The following PDE3B variants were observed in gnomAD, a reference collection of about 807,000 sequenced individuals.
PDE3B encodes the protein cGMP-inhibited 3',5'-cyclic phosphodiesterase 3B.
A neutral mutation model predicts 116.8 loss-of-function variants in PDE3B; 66 were observed. The ratio of observed to expected loss-of-function variants is 0.56; its 90% CI spans 0.46 to 0.69. The LOEUF is 0.69. PDE3B is among the 30% of genes least tolerant of loss of function. The pLI, the probability that PDE3B is intolerant of heterozygous loss-of-function variation, is 0.00. For synonymous variants in PDE3B, 595 were observed against 533.6 expected (o/e 1.12, Z -1.59); for missense variants, 1,384 against 1,368.1 (o/e 1.01, Z -0.18).
chr11:14,780,511 T>C (rs1265406177), intron 2 of PDE3B, among the ~76,000 whole-genome samples: 1 of 151,984 alleles, frequency 6.6e-6, no homozygotes, highest in Non-Finnish European at 1.5e-5. Flanking sequence ...ATTAAGAAAC[T>C]CACTAAAAAC....
intron 12 of PDE3B, among the ~76,000 whole-genome samples, chr11:14,849,418 T>G (rs1277466263): frequency 6.6e-6 from 1 of 152,150 alleles, no homozygotes; most frequent in African/African-American, 2.4e-5. Context: ...ATTCAGGAGA[T>G]AGGCATGGGC....
At chr11:14,793,800 G>A (rs1858464588) in intron 4 of PDE3B, among the ~76,000 whole-genome samples, 1 of 152,080 alleles carries the variant, frequency 6.6e-6, no homozygotes, top group African/African-American at 2.4e-5. Flanking sequence ...CTAATAACTC[G>A]TTGCCTGGCA....
chr11:14,876,837 G>A (rs114964367), downstream of PDE3B, among the ~76,000 whole-genome samples: 913 of 152,126 alleles, frequency 6.0e-3, 6 homozygotes, highest in African/African-American at 0.021. Flanking sequence ...TAAGCCATAC[G>A]GACCCTAAAA....
chr11:14,883,395 C>T, the PDE3B span, among the ~76,000 whole-genome samples: 20 of 152,202 alleles, frequency 1.3e-4, no homozygotes, highest in Non-Finnish European at 2.4e-4. Flanking sequence ...CTACAACTAT[C>T]TGATCTTTGA....
At chr11:14,717,815 C>G (rs1232634008) in intron 1 of PDE3B, among the ~76,000 whole-genome samples, 2 of 136,488 alleles carry the variant, frequency 1.5e-5, no homozygotes, top group African/African-American at 5.5e-5. Flanking sequence ...ACTGCAAAAT[C>G]ATGCCAAAAT....
At chr11:14,766,045 A>C (rs1173834101) in intron 1 of PDE3B, among the ~76,000 whole-genome samples, 2 of 151,604 alleles carry the variant, frequency 1.3e-5, no homozygotes, top group African/African-American at 4.8e-5. Context: ...ATGTACCGCC[A>C]ACTATGCATT....
At chr11:14,845,988 A>G (rs1397591104) in intron 12 of PDE3B, among the ~76,000 whole-genome samples, 2 of 152,202 alleles carry the variant, frequency 1.3e-5, no homozygotes, top group Non-Finnish European at 2.9e-5. Context: ...AATACAGAGA[A>G]CGCCACAAAG....
intron 4 of PDE3B, among the ~76,000 whole-genome samples, chr11:14,802,484 GT>G (rs1232391929): frequency 6.6e-6 from 1 of 152,150 alleles, no homozygotes; most frequent in Non-Finnish European, 1.5e-5. Flanking sequence ...TGCATCCACT[GT>G]TCAACCAGTC....
At chr11:14,888,957 A>G in the PDE3B span, among the ~76,000 whole-genome samples, 2 of 152,212 alleles carry the variant, frequency 1.3e-5, no homozygotes, top group Non-Finnish European at 2.9e-5. Flanking sequence ...TACTGCAGAA[A>G]TTTAAACATT....
At chr11:14,891,563 G>C in the PDE3B span, 1,974 of 1,030,368 alleles carry the variant, frequency 1.9e-3, 1 homozygote, top group Non-Finnish European at 2.2e-3. Flanking sequence ...AGAACGCCTT[G>C]ATTTTCCGAC....
At chr11:14,846,965 G>A (rs916215836) in intron 12 of PDE3B, among the ~76,000 whole-genome samples, 1 of 152,062 alleles carries the variant, frequency 6.6e-6, no homozygotes, top group Non-Finnish European at 1.5e-5. Flanking sequence ...CCCAGGAATT[G>A]AACTCAGCTC....
In PDE3B at chr11:14,796,838, A is replaced by G. The variant is rs575125707; in HGVS notation, c.1416-7106A>G. Among the ~76,000 whole-genome samples, 7 of 152,214 alleles carry G rather than the reference A, an allele frequency of 4.6e-5. No homozygotes were observed. In the East Asian group the frequency reaches 1.4e-3, roughly 29 times the overall value. On this transcript the variant is annotated intron_variant, in intron 4 of 15. Transcript: ENST00000282096. ...TTGCCTGTTCACTCTGATGGATGGT[A>G]GTTTCTTTTGCTGTGCAGAAGCTCT...
chr11:14,786,197 A>G (rs945005705), intron 2 of PDE3B, among the ~76,000 whole-genome samples: 4 of 152,086 alleles, frequency 2.6e-5, no homozygotes, highest in African/African-American at 9.7e-5. Context: ...GAAATGTTCA[A>G]ATTACAGACT....
At chr11:14,664,236 A>G (rs550937847) in intron 1 of PDE3B, among the ~76,000 whole-genome samples, 22 of 152,366 alleles carry the variant, frequency 1.4e-4, no homozygotes, top group Non-Finnish European at 2.5e-4. Flanking sequence ...AAGACACAAC[A>G]TATCAGAATC....
chr11:14,747,508 G>A (rs1029538086), intron 1 of PDE3B, among the ~76,000 whole-genome samples: 5 of 152,332 alleles, frequency 3.3e-5, no homozygotes, highest in Middle Eastern at 3.4e-3. Context: ...AAGACAGTCA[G>A]AAGATAGCCT....
chr11:14,752,796 A>G (rs1857088004), intron 1 of PDE3B, among the ~76,000 whole-genome samples: 1 of 152,058 alleles, frequency 6.6e-6, no homozygotes, highest in Non-Finnish European at 1.5e-5. Context: ...ACTGTTATTC[A>G]GTCACTTTTG....
chr11:14,751,369 G>C (rs1355933966), intron 1 of PDE3B, among the ~76,000 whole-genome samples: 2 of 152,092 alleles, frequency 1.3e-5, no homozygotes, highest in Non-Finnish European at 2.9e-5. Context: ...TTTGTTTCAA[G>C]AAATTGAGTG....
chr11:14,857,417 T>A (rs1186560604), intron 12 of PDE3B, among the ~76,000 whole-genome samples: 1 of 152,256 alleles, frequency 6.6e-6, no homozygotes, highest in African/African-American at 2.4e-5. Flanking sequence ...TGACATTTGC[T>A]TCCTACTTAC....
intron 4 of PDE3B, among the ~76,000 whole-genome samples, chr11:14,796,303 C>A (rs1031109010): frequency 2.0e-5 from 3 of 152,172 alleles, no homozygotes; most frequent in African/African-American, 7.2e-5. Context: ...GGTTCCAAGT[C>A]ATTGCTATTG....
Sources: allele counts gnomAD v4.1 joint callset (sites outside exome capture counted in the v4.1 genomes callset), GRCh38; gene constraint gnomAD v4.1.1; transcripts MANE v1.5; gene names NCBI Gene and HGNC (gene_info 2026-07-23, HGNC 2026-07-21).